The following ZNF736 variants were observed in gnomAD, a reference collection of about 807,000 sequenced individuals.
The protein encoded by ZNF736 is KRAB-containing zinc-finger repressor protein.
ZNF736 carries 6 observed loss-of-function variants against 11.7 expected under a neutral mutation model. The ratio of observed to expected loss-of-function variants is 0.51; its 90% CI spans 0.28 to 1.01. ZNF736 has a LOEUF of 1.01. Among genes scored for constraint, ZNF736 ranks in the 50% least tolerant of loss-of-function variants. The pLI is 0.09. For missense variants in ZNF736, 444 were observed against 496.0 expected (o/e 0.90, Z 1.00); for synonymous variants, 139 against 164.7 (o/e 0.84, Z 1.19).
At position 64,355,689 on chromosome 7, in the gene ZNF736, T is replaced by G. The variant is rs1055327188; in HGVS notation, c.*6542T>G. On this transcript the variant is annotated 3_prime_UTR_variant, in exon 4 of 4. Coordinates refer to ENST00000423484, the MANE Select transcript of ZNF736 (RefSeq NM_001170905.3). The stretch of plus-strand genomic sequence containing the variant: ...GAGCCACCGCGCCTGTCCTTGATTT[T>G]AGATCTTGACACAGCACATCCTCAA... 2 of 152,724 alleles carry G rather than the reference T, an allele frequency of 1.3e-5. No homozygotes were observed. The highest frequency in any genetic ancestry group is 4.8e-5 in the African/African-American group (2 of 41,444). 9.5% of individuals were successfully genotyped at this position (152,724 alleles called of 1,614,324 possible).
At chr7:64,342,915 T>C (rs1789357962) in intron 3 of ZNF736, among the ~76,000 whole-genome samples, 1 of 152,156 alleles carries the variant, frequency 6.6e-6, no homozygotes, top group South Asian at 2.1e-4. Flanking sequence ...ATATTGTTTA[T>C]ATTATTTTAG....
At chr7:64,321,072 T>C (rs1457583460) in intron 1 of ZNF736, among the ~76,000 whole-genome samples, 1 of 152,198 alleles carries the variant, frequency 6.6e-6, no homozygotes, top group African/African-American at 2.4e-5. Flanking sequence ...GCCAGAGCAG[T>C]GTACCAGGTC....
At chr7:64,331,717 G>A (rs1020034048) in intron 1 of ZNF736, among the ~76,000 whole-genome samples, 1 of 152,176 alleles carries the variant, frequency 6.6e-6, no homozygotes, top group Non-Finnish European at 1.5e-5. Flanking sequence ...AGCGCTTTCA[G>A]ATACATTCAC....
chr7:64,347,118 G>C (rs1017292797), intron 3 of ZNF736, among the ~76,000 whole-genome samples: 1 of 149,302 alleles, frequency 6.7e-6, no homozygotes, highest in African/African-American at 2.5e-5. Context: ...GAGGGAATAT[G>C]ATACCAATTT....
At chr7:64,339,835 T>C (rs569933473) in intron 3 of ZNF736, among the ~76,000 whole-genome samples, 1 of 152,322 alleles carries the variant, frequency 6.6e-6, no homozygotes, top group African/African-American at 2.4e-5. Flanking sequence ...TGTACTAAAA[T>C]TTTAATAGGG....
At chr7:64,326,931 G>A (rs982089653) in intron 1 of ZNF736, among the ~76,000 whole-genome samples, 5 of 151,916 alleles carry the variant, frequency 3.3e-5, no homozygotes, top group Admixed American at 6.6e-5. Context: ...TTATTTGGGG[G>A]GAGATTATTT....
chr7:64,348,841 G>A lies in ZNF736; in HGVS notation c.978G>A (p.Ser326=), dbSNP rs658201. 7.1e-3 allele frequency: 11,231 copies of A among 1,585,534 alleles called. 55 individuals are homozygous for A. The highest frequency in any genetic ancestry group is 0.015 in the Middle Eastern group (87 of 5,936). ...GTGGAAAAGCTTTTAAGTGGTTCTC[G>A]GCCCTTAGTAAACATAAGAGAATTC... ...NECGKAFKWF[S]ALSKHKRIHT... Residue 326 remains serine, a synonymous_variant, in exon 4 of 4, where the codon TCG becomes TCA. Coordinates refer to ENST00000423484, the MANE Select transcript of ZNF736 (RefSeq NM_001170905.3).
chr7:64,322,696 GAA>G (rs1789018674), intron 1 of ZNF736, among the ~76,000 whole-genome samples: 2 of 152,260 alleles, frequency 1.3e-5, no homozygotes, highest in Middle Eastern at 3.4e-3. Context: ...TCTTATTTGT[GAA>G]ACAGATAATA....
At chr7:64,319,671 A>G (rs1438907464) in intron 1 of ZNF736, among the ~76,000 whole-genome samples, 1 of 150,450 alleles carries the variant, frequency 6.6e-6, no homozygotes, top group African/African-American at 2.4e-5. Context: ...AATTTTTTGT[A>G]TTTTTAGTAG....
At chr7:64,332,809 C>T (rs1307988000) in intron 1 of ZNF736, among the ~76,000 whole-genome samples, 1 of 152,092 alleles carries the variant, frequency 6.6e-6, no homozygotes, top group African/African-American at 2.4e-5. Context: ...AATATCTCTC[C>T]TACTTGCATG....
chr7:64,347,895 G>T (rs116041315), intron 3 of ZNF736, among the ~76,000 whole-genome samples, 195 bp from the exon 4 acceptor site: 1 of 152,108 alleles, frequency 6.6e-6, no homozygotes, highest in East Asian at 1.9e-4. Flanking sequence ...TTGGTGTGCC[G>T]CAAATGCTTA....
chr7:64,344,875 T>C (rs888941412), intron 3 of ZNF736, among the ~76,000 whole-genome samples: 1 of 151,990 alleles, frequency 6.6e-6, no homozygotes, highest in African/African-American at 2.4e-5. Flanking sequence ...AGTTTTGTTT[T>C]GTGTTTGGAA....
At position 64,313,970 on chromosome 7, in the gene ZNF736, T is replaced by C; in HGVS notation, c.-181T>C. 1 of 782,786 alleles carries C rather than the reference T, an allele frequency of 1.3e-6. No individual in the cohort carries two copies. 48.5% of individuals were successfully genotyped at this position (782,786 alleles called of 1,614,324 possible). A position where few individuals can be genotyped will look rare whatever the true frequency, so the allele number is the denominator to read the frequency against. ...AGCTACAGAGGAAGAGGCGGCCTCTTCAATATGGCGGGGCCTTTGTCTCCT... is the reference window on the plus strand; with the variant it reads ...AGCTACAGAGGAAGAGGCGGCCTCTCCAATATGGCGGGGCCTTTGTCTCCT... On this transcript the variant is annotated 5_prime_UTR_variant, in exon 1 of 4. Transcript: ENST00000423484.
At chr7:64,347,582 T>C (rs1789428894) in intron 3 of ZNF736, among the ~76,000 whole-genome samples, 1 of 152,160 alleles carries the variant, frequency 6.6e-6, no homozygotes, top group African/African-American at 2.4e-5. Flanking sequence ...ATTGTCTGTC[T>C]ATGATACTGA....
At chr7:64,315,008 A>G (rs187114014) in intron 1 of ZNF736, among the ~76,000 whole-genome samples, 1 of 152,234 alleles carries the variant, frequency 6.6e-6, no homozygotes, top group East Asian at 1.9e-4. Flanking sequence ...ATAGTTTAGC[A>G]CCATTCCTCT....
chr7:64,345,500 G>A (rs1789397539), intron 3 of ZNF736, among the ~76,000 whole-genome samples: 1 of 151,476 alleles, frequency 6.6e-6, no homozygotes, highest in Non-Finnish European at 1.5e-5. Context: ...GGAGGCCGAG[G>A]TGGGCACATC....
chr7:64,342,772 C>G (rs1459451466), intron 3 of ZNF736, among the ~76,000 whole-genome samples: 1 of 151,974 alleles, frequency 6.6e-6, no homozygotes, highest in Non-Finnish European at 1.5e-5. Flanking sequence ...ATATTATAAT[C>G]TTTGATTTAT....
chr7:64,350,696 A>G lies in ZNF736; in HGVS notation c.*1549A>G, dbSNP rs1307259912. The G allele has an allele frequency of 6.8e-6, 1 of 146,874 alleles. No individual in the cohort carries two copies. 9.1% of individuals were successfully genotyped at this position (146,874 alleles called of 1,614,324 possible). On this transcript the variant is annotated 3_prime_UTR_variant, in exon 4 of 4. Coordinates refer to ENST00000423484, the MANE Select transcript of ZNF736 (RefSeq NM_001170905.3). ...TTTGGGCTTTTTTTTTTTTAATCCT[A>G]TTTGATGGTCTTGAGTATTTGATTG...
intron 1 of ZNF736, among the ~76,000 whole-genome samples, chr7:64,315,027 T>C (rs753796744): frequency 1.3e-5 from 2 of 152,232 alleles, no homozygotes; most frequent in Non-Finnish European, 2.9e-5. Context: ...CTTGGTATTG[T>C]CCTCTCAATA....
Sources: allele counts gnomAD v4.1 joint callset (sites outside exome capture counted in the v4.1 genomes callset), GRCh38; gene constraint gnomAD v4.1.1; transcripts MANE v1.5; gene names NCBI Gene and HGNC (gene_info 2026-07-23, HGNC 2026-07-21).